TLL1: variants seen among roughly 807,000 people sequenced by gnomAD.
The protein encoded by TLL1 is tolloid-like protein 1.
Under a neutral mutation model 128.2 loss-of-function variants are expected in TLL1, and 49 were observed. That is an observed-to-expected ratio of 0.38 (90% confidence interval 0.30 to 0.48). The LOEUF is 0.48. TLL1 is among the 20% of genes least tolerant of loss of function. TLL1 has a pLI of 0.96. For missense variants in TLL1, 1,123 were observed against 1,242.0 expected, an observed-to-expected ratio of 0.90 and a Z score of 1.44; for synonymous variants, 454 against 418.8, an observed-to-expected ratio of 1.08 and a Z score of -1.03.
chr4:165,929,060 G>C (rs1377270047), intron 1 of TLL1, among the ~76,000 whole-genome samples: 1 of 152,132 alleles, frequency 6.6e-6, no homozygotes. Flanking sequence ...TGGAGAAGTT[G>C]ACGGCAGAAA....
chr4:165,909,440 A>G (rs1732423432), intron 1 of TLL1, among the ~76,000 whole-genome samples: 1 of 152,170 alleles, frequency 6.6e-6, no homozygotes. Flanking sequence ...TTGTAGTGGT[A>G]AGATTAGGTG....
chr4:166,018,304 T>A (rs1229292629), intron 8 of TLL1, among the ~76,000 whole-genome samples: 1 of 151,954 alleles, frequency 6.6e-6, no homozygotes, highest in African/African-American at 2.4e-5. Flanking sequence ...ATAAATTAAC[T>A]CAAGATGAAT....
chr4:166,061,310 A>G (rs1462403537), intron 15 of TLL1, among the ~76,000 whole-genome samples: 1 of 142,712 alleles, frequency 7.0e-6, no homozygotes, highest in African/African-American at 2.6e-5. Context: ...CAGTGGTGCT[A>G]TCTTGACTCA....
chr4:165,983,305 C>A (rs1736238722), intron 1 of TLL1, among the ~76,000 whole-genome samples: 1 of 151,732 alleles, frequency 6.6e-6, no homozygotes, highest in Admixed American at 6.6e-5. Flanking sequence ...GTTAGGGGAA[C>A]AATTTTGTTT....
intron 9 of TLL1, among the ~76,000 whole-genome samples, chr4:166,034,726 G>A (rs1455489124): frequency 1.3e-5 from 2 of 152,066 alleles, no homozygotes; most frequent in African/African-American, 4.8e-5. Context: ...TAGATGTAGG[G>A]GTGTAGTGGG....
At position 166,039,405 on chromosome 4, in the gene TLL1, G is replaced by A; in HGVS notation, c.1225G>A (p.Val409Ile). The part of the protein sequence containing the change: ...SSLCWYDYIE[V>I]RDGYWRKSPL... ...TTTGTGCTGGTATGACTATATTGAA[G>A]TAAGAGACGGGTACTGGAGAAAATC... is the stretch of plus-strand genomic sequence containing the variant. Residue 409 changes from valine (V) to isoleucine (I), a missense_variant, in exon 10 of 21, where the codon GTA (valine) becomes ATA (isoleucine). By Grantham distance (29) the Val-to-Ile change is conservative (BLOSUM62 3). This residue lies in a region of TLL1 where 480 missense variants were observed against 542.4 expected (regional missense o/e 0.89). Transcript: ENST00000061240. The A allele has an allele frequency of 1.2e-6, 2 of 1,613,278 alleles. No homozygotes were observed. The highest frequency in any genetic ancestry group is 8.5e-7 in the Non-Finnish European group (1 of 1,179,454).
chr4:165,989,667 T>TTTC (rs958519210), intron 2 of TLL1, among the ~76,000 whole-genome samples, 176 bp downstream of exon 2: 4 of 151,446 alleles, frequency 2.6e-5, no homozygotes, highest in African/African-American at 9.7e-5. Flanking sequence ...TTATTAATTT[T>TTTC]TTTTTTTTTT....
intron 1 of TLL1, among the ~76,000 whole-genome samples, chr4:165,919,469 T>C (rs1044227531): frequency 6.6e-6 from 1 of 151,938 alleles, no homozygotes; most frequent in Non-Finnish European, 1.5e-5. Flanking sequence ...TTTTACCTAT[T>C]TTATGATATT....
Position 165,873,889 on chromosome 4 carries a change from C to G in TLL1, c.-16C>G. 6.2e-7 allele frequency: 1 copy of G among 1,613,448 alleles called. No individual in the cohort carries two copies. Among genetic ancestry groups the G allele is most frequent in the Non-Finnish European group, 8.5e-7 (1 of 1,180,004 alleles). On this transcript the variant is annotated 5_prime_UTR_variant, in exon 1 of 21. Transcript: ENST00000061240. ...CCTCTGGGTCCCGTCCCCTCCTTTT[C>G]CTCCGGGGGAGGAGGATGGGGTTGG...
chr4:165,996,845 CTATA>C (rs751063462), intron 5 of TLL1, among the ~76,000 whole-genome samples: 1 of 149,294 alleles, frequency 6.7e-6, no homozygotes. Context: ...ATATATACAT[CTATA>C]TATATAATTC....
At chr4:165,992,202 G>T (rs553989454) in intron 2 of TLL1, among the ~76,000 whole-genome samples, 68 of 151,930 alleles carry the variant, frequency 4.5e-4, no homozygotes, top group Non-Finnish European at 8.3e-4. Context: ...AATATATTTT[G>T]CAGCTGAACA....
At chr4:165,970,190 C>T (rs77912100) in intron 1 of TLL1, among the ~76,000 whole-genome samples, 3,966 of 152,008 alleles carry the variant, frequency 0.026, 163 homozygotes, top group African/African-American at 0.089. Flanking sequence ...ATTAATCAGA[C>T]GATATTTATG....
At position 166,043,386 on chromosome 4, in the gene TLL1, C is replaced by G; in HGVS notation, c.1491C>G (p.Ser497Arg). 6.2e-7 allele frequency: 1 copy of G among 1,614,098 alleles called. No individual in the cohort carries two copies. Among genetic ancestry groups the G allele is most frequent in the Non-Finnish European group, 8.5e-7 (1 of 1,179,988 alleles). ...TGTGGAAAATAACAGTGTCTGAGAG[C>G]TACCACGTCGGGCTGACCTTTCAGT... is the stretch of plus-strand genomic sequence containing the variant. ...ECVWKITVSE[S>R]YHVGLTFQSF... Residue 497 changes from serine to arginine, a missense_variant, in exon 12 of 21, where the codon AGC becomes AGG. By Grantham distance (110) the Ser-to-Arg change is moderately radical (BLOSUM62 -1). Transcript: ENST00000061240.
chr4:165,986,552 T>G (rs917694988), intron 1 of TLL1, among the ~76,000 whole-genome samples: 1 of 152,084 alleles, frequency 6.6e-6, no homozygotes, highest in Non-Finnish European at 1.5e-5. Flanking sequence ...ATATTTGGTT[T>G]TCTCCTAAAG....
At chr4:166,061,901 G>A (rs1740334111) in intron 15 of TLL1, among the ~76,000 whole-genome samples, 1 of 152,142 alleles carries the variant, frequency 6.6e-6, no homozygotes. Context: ...TGTATAAGGT[G>A]TAAGGAAAGG....
At chr4:166,009,562 T>TG (rs557294656) in intron 7 of TLL1, among the ~76,000 whole-genome samples, 227 of 151,600 alleles carry the variant, frequency 1.5e-3, no homozygotes, top group African/African-American at 5.3e-3. Context: ...AATCAGCCTT[T>TG]GTTTATTACT....
intron 1 of TLL1, among the ~76,000 whole-genome samples, chr4:165,954,877 T>C (rs554351916): frequency 8.5e-5 from 13 of 152,174 alleles, no homozygotes; most frequent in Middle Eastern, 3.4e-3. Flanking sequence ...ACGCAAGAAT[T>C]CTGGCAATGG....
chr4:166,055,573 C>T (rs942872319), intron 13 of TLL1, among the ~76,000 whole-genome samples: 2 of 151,982 alleles, frequency 1.3e-5, no homozygotes, highest in African/African-American at 4.8e-5. Context: ...AATAACCAAC[C>T]AAGAATTCAT....
chr4:166,086,469 A>G (rs1028894425), intron 18 of TLL1, among the ~76,000 whole-genome samples: 13 of 152,032 alleles, frequency 8.6e-5, no homozygotes, highest in African/African-American at 2.4e-4. Context: ...ACCTGGGAGC[A>G]TATGTAAAGG....
Sources: allele counts gnomAD v4.1 joint callset (sites outside exome capture counted in the v4.1 genomes callset), GRCh38; gene constraint gnomAD v4.1.1; regional missense constraint gnomAD v4.1.1; transcripts MANE v1.5; gene names NCBI Gene and HGNC (gene_info 2026-07-23, HGNC 2026-07-21).